CFAP43: variants seen among roughly 807,000 people sequenced by gnomAD.
CFAP43 encodes cilia- and flagella-associated protein 43.
CFAP43 carries 155 observed loss-of-function variants against 218.9 expected under a neutral mutation model. That is an observed-to-expected ratio of 0.71 (90% confidence interval 0.62 to 0.81). The LOEUF (loss-of-function observed/expected upper bound fraction) is 0.81. Among genes scored for constraint, CFAP43 ranks in the 30% least tolerant of loss-of-function variants. The pLI, the probability that CFAP43 is intolerant of heterozygous loss-of-function variation, is 0.00. For missense variants in CFAP43, 1,778 were observed against 1,954.3 expected (o/e 0.91, Z 1.70); for synonymous variants, 645 against 681.3 (o/e 0.95, Z 0.83).
chr10:104,168,692 G>C (rs1336355511), intron 21 of CFAP43, 52 bp downstream of exon 21: 1 of 1,442,296 alleles, frequency 6.9e-7, no homozygotes, highest in Non-Finnish European at 9.7e-7. Flanking sequence ...ACTTTCCTGA[G>C]CTTTTGATGA....
At chr10:104,140,607 A>G (rs1271945113) in intron 34 of CFAP43, among the ~76,000 whole-genome samples, 1 of 152,194 alleles carries the variant, frequency 6.6e-6, no homozygotes, top group Non-Finnish European at 1.5e-5. Flanking sequence ...GGAGTTTGAG[A>G]ACAGCCTGGG....
intron 24 of CFAP43, among the ~76,000 whole-genome samples, chr10:104,163,651 C>G (rs921400196): frequency 4.6e-5 from 7 of 152,206 alleles, no homozygotes; most frequent in Non-Finnish European, 1.0e-4. Context: ...TGTGACCCAA[C>G]CACTCTGGGT....
intron 3 of CFAP43, among the ~76,000 whole-genome samples, chr10:104,220,757 C>T (rs2091153957): frequency 6.6e-6 from 1 of 152,082 alleles, no homozygotes; most frequent in African/African-American, 2.4e-5. Context: ...CTAACAGCCT[C>T]GATGTGATAA....
chr10:104,134,500 AC>A (rs1295678948), intron 34 of CFAP43, among the ~76,000 whole-genome samples: 1 of 152,170 alleles, frequency 6.6e-6, no homozygotes, highest in East Asian at 1.9e-4. Context: ...AGCTAGACTG[AC>A]TAAGAAAAAA....
chr10:104,197,166 A>G (rs996159408), intron 9 of CFAP43, among the ~76,000 whole-genome samples: 1 of 152,256 alleles, frequency 6.6e-6, no homozygotes, highest in Non-Finnish European at 1.5e-5. Flanking sequence ...GAAAAGTAAA[A>G]TAAAGATTTT....
intron 31 of CFAP43, 27 bp downstream of exon 31, chr10:104,145,449 A>G (rs940802147): frequency 2.0e-6 from 3 of 1,522,656 alleles, no homozygotes; most frequent in Non-Finnish European, 2.7e-6. Flanking sequence ...TTTTTCTCAG[A>G]AACACAATAG....
At chr10:104,145,690 A>C (rs2087930879) in intron 30 of CFAP43, 126 bp from the exon 31 acceptor site, 1 of 551,194 alleles carries the variant, frequency 1.8e-6, no homozygotes. Context: ...TTGATTTACA[A>C]AGTTGTTAGA....
chr10:104,178,676 C>T (rs1459742674), intron 19 of CFAP43, among the ~76,000 whole-genome samples: 1 of 152,060 alleles, frequency 6.6e-6, no homozygotes, highest in Non-Finnish European at 1.5e-5. Context: ...AAACAGTTAC[C>T]TCAGGAGTAC....
At chr10:104,224,168 C>T (rs1455936672) in intron 3 of CFAP43, among the ~76,000 whole-genome samples, 1 of 152,038 alleles carries the variant, frequency 6.6e-6, no homozygotes, top group Non-Finnish European at 1.5e-5. Context: ...CTCAGCCTCC[C>T]GAGTAGCTGA....
intron 7 of CFAP43, 94 bp from the exon 8 acceptor site, chr10:104,203,897 T>C (rs991019270): frequency 2.7e-6 from 3 of 1,121,508 alleles, no homozygotes; most frequent in Non-Finnish European, 3.6e-6. Flanking sequence ...TGATTACTTC[T>C]ACTGCTTATT....
At chr10:104,171,892 C>T (rs938094298) in intron 20 of CFAP43, among the ~76,000 whole-genome samples, 3 of 152,026 alleles carry the variant, frequency 2.0e-5, no homozygotes, top group African/African-American at 4.8e-5. Flanking sequence ...ATGATGATGA[C>T]GAGGCTATTG....
At position 104,174,915 on chromosome 10, in the gene CFAP43, C is replaced by T. The variant is rs562794986; in HGVS notation, c.2461-2380G>A. Among the ~76,000 whole-genome samples, 90 of 151,626 alleles carry T rather than the reference C, an allele frequency of 5.9e-4. 1 individual carries two copies. In the South Asian group the frequency reaches 0.018, roughly 31 times the overall value. On this transcript the variant is annotated intron_variant, in intron 19 of 37. Coordinates refer to ENST00000357060, the MANE Select transcript of CFAP43 (RefSeq NM_025145.7). ...CTAAAAATACAAAAAATCAGCTGGG[C>T]GAGGTGGCGGGCACCTGTAGTCCCA... is the stretch of plus-strand genomic sequence containing the variant.
At chr10:104,202,454 T>A (rs939451764) in intron 8 of CFAP43, among the ~76,000 whole-genome samples, 1 of 152,204 alleles carries the variant, frequency 6.6e-6, no homozygotes, top group African/African-American at 2.4e-5. Context: ...CCAGTCAATA[T>A]CTCTTTAATT....
At chr10:104,229,823 T>C (rs1203740638) in intron 2 of CFAP43, among the ~76,000 whole-genome samples, 2 of 152,148 alleles carry the variant, frequency 1.3e-5, no homozygotes, top group African/African-American at 2.4e-5. Flanking sequence ...AATGAGGAAA[T>C]TGAGGCTCAG....
At chr10:104,199,402 T>A (rs1206396438) in intron 8 of CFAP43, among the ~76,000 whole-genome samples, 1 of 152,250 alleles carries the variant, frequency 6.6e-6, no homozygotes, top group Admixed American at 6.5e-5. Context: ...GGTAGATATT[T>A]ACTAATGTTA....
intron 8 of CFAP43, among the ~76,000 whole-genome samples, chr10:104,198,314 C>T (rs1330377926): frequency 1.3e-5 from 2 of 152,166 alleles, no homozygotes; most frequent in African/African-American, 4.8e-5. Flanking sequence ...CAAAGTCTTG[C>T]TATTGTTGCC....
At chr10:104,215,213 C>T (rs1056958563) in intron 3 of CFAP43, among the ~76,000 whole-genome samples, 1 of 151,276 alleles carries the variant, frequency 6.6e-6, no homozygotes, top group Non-Finnish European at 1.5e-5. Context: ...ATTCATTTAC[C>T]CATTTAAGAG....
chr10:104,151,534 A>G (rs953802156), intron 28 of CFAP43, among the ~76,000 whole-genome samples: 1 of 152,126 alleles, frequency 6.6e-6, no homozygotes, highest in African/African-American at 2.4e-5. Context: ...CTTGTTGGCC[A>G]CATGTATGTC....
intron 3 of CFAP43, among the ~76,000 whole-genome samples, chr10:104,224,294 C>CA (rs527801646): frequency 9.9e-5 from 15 of 151,920 alleles, no homozygotes; most frequent in Non-Finnish European, 1.6e-4. Flanking sequence ...TTGCCCACCT[C>CA]AGCCTCCCAA....
Sources: gnomAD v4.1 joint callset for allele counts (sites outside exome capture counted in the v4.1 genomes callset) on GRCh38, gnomAD v4.1.1 for gene constraint, MANE v1.5 for transcripts, NCBI Gene and HGNC (gene_info 2026-07-23, HGNC 2026-07-21) for gene names.